The following MAPK8 variants were observed in gnomAD, a reference collection of about 807,000 sequenced individuals.
MAPK8 encodes mitogen-activated protein kinase 8.
Under a neutral mutation model 52.9 loss-of-function variants are expected in MAPK8, and 13 were observed. The observed-to-expected ratio is 0.25, with a 90% CI of 0.16 to 0.39. The LOEUF is 0.39. Among genes scored for constraint, MAPK8 ranks in the 10% least tolerant of loss-of-function variants. MAPK8 has a pLI of 1.00. For synonymous variants in MAPK8, 191 were observed against 169.8 expected, an observed-to-expected ratio of 1.12 and a Z score of -0.97; for missense variants, 300 against 519.2, an observed-to-expected ratio of 0.58 and a Z score of 4.10.
chr10:48,384,246 T>C (rs921120381), intron 1 of MAPK8, among the ~76,000 whole-genome samples: 1 of 151,716 alleles, frequency 6.6e-6, no homozygotes, highest in Non-Finnish European at 1.5e-5. Context: ...AGCGAGACAG[T>C]CTCAAAAAAT....
intron 1 of MAPK8, among the ~76,000 whole-genome samples, chr10:48,400,885 A>C (rs950594233): frequency 1.3e-5 from 2 of 152,254 alleles, no homozygotes; most frequent in Admixed American, 1.3e-4. Flanking sequence ...CAAGTAGTAA[A>C]GGAATGGTAG....
intron 6 of MAPK8, among the ~76,000 whole-genome samples, chr10:48,423,221 C>T (rs1279608325): frequency 6.6e-6 from 1 of 152,150 alleles, no homozygotes; most frequent in Non-Finnish European, 1.5e-5. Flanking sequence ...TTCTTGTCAA[C>T]ATTGATTGGG....
chr10:48,353,627 C>T (rs1441599650), intron 1 of MAPK8, among the ~76,000 whole-genome samples: 1 of 151,976 alleles, frequency 6.6e-6, no homozygotes, highest in East Asian at 1.9e-4. Flanking sequence ...AAACTTAAAA[C>T]ATGGAAAAAA....
At chr10:48,317,297 C>T (rs1190334175) in intron 1 of MAPK8, among the ~76,000 whole-genome samples, 1 of 152,174 alleles carries the variant, frequency 6.6e-6, no homozygotes, top group African/African-American at 2.4e-5. Context: ...GTCTCAGCCT[C>T]CAGCCTCCCG....
chr10:48,349,465 C>T (rs908945001), intron 1 of MAPK8, among the ~76,000 whole-genome samples: 2 of 152,176 alleles, frequency 1.3e-5, no homozygotes, highest in Non-Finnish European at 2.9e-5. Context: ...GATTAAGAAA[C>T]TCGCTCAAAA....
At chr10:48,396,651 T>A (rs1294677264) in intron 1 of MAPK8, among the ~76,000 whole-genome samples, 1 of 152,190 alleles carries the variant, frequency 6.6e-6, no homozygotes, top group Non-Finnish European at 1.5e-5. Flanking sequence ...AGAACAGCTT[T>A]GTCATAGCCA....
chr10:48,323,894 G>GT (rs1843223596), intron 1 of MAPK8, among the ~76,000 whole-genome samples: 2 of 152,110 alleles, frequency 1.3e-5, no homozygotes, highest in Admixed American at 6.5e-5. Flanking sequence ...TAGGAACCTG[G>GT]TTTAAGTTCA....
At chr10:48,324,506 T>TTTTTTTTTTTGG (rs1392625617) in intron 1 of MAPK8, among the ~76,000 whole-genome samples, 2 of 148,522 alleles carry the variant, frequency 1.3e-5, no homozygotes, top group Non-Finnish European at 1.5e-5. Context: ...TTTTCTAGTT[T>TTTTTTTTTTTGG]TTTTTTTTTT....
intron 2 of MAPK8, 90 bp from the exon 3 acceptor site, chr10:48,404,762 A>G (rs2042370532): frequency 1.0e-6 from 1 of 966,690 alleles, no homozygotes; most frequent in African/African-American, 1.6e-5. Flanking sequence ...TCTTTGGAGA[A>G]AGTGAGAAAT....
In MAPK8 at chr10:48,426,370, A is replaced by G; in HGVS notation, c.872-10A>G. The stretch of plus-strand genomic sequence containing the variant: ...CAAATATATGTACATTAACACCATT[A>G]TGTTTGCAGCCAGTCAGGCAAGGGA... On this transcript the variant is annotated splice_polypyrimidine_tract_variant and intron_variant, in intron 8 of 11. Coordinates refer to ENST00000374189, the MANE Select transcript of MAPK8 (RefSeq NM_001323329.2). The G allele has an allele frequency of 6.2e-7, 1 of 1,600,484 alleles. No homozygotes were observed. The highest frequency in any genetic ancestry group is 8.5e-7 in the Non-Finnish European group (1 of 1,175,562).
At chr10:48,324,503 G>GTTTTTTTTTTTTTTTTTTTTTTTTTT (rs370766776) in intron 1 of MAPK8, among the ~76,000 whole-genome samples, 15 of 118,006 alleles carry the variant, frequency 1.3e-4, no homozygotes, top group Non-Finnish European at 1.7e-4. Flanking sequence ...CTGTTTTCTA[G>GTTTTTTTTTTTTTTTTTTTTTTTTTT]TTTTTTTTTT....
intron 3 of MAPK8, among the ~76,000 whole-genome samples, chr10:48,409,287 C>T (rs1175700130): frequency 6.6e-6 from 1 of 152,180 alleles, no homozygotes; most frequent in Non-Finnish European, 1.5e-5. Flanking sequence ...AGTTAAAAAT[C>T]ACCCTGAGCC....
At chr10:48,421,764 A>G (rs1014219832) in intron 6 of MAPK8, among the ~76,000 whole-genome samples, 3 of 152,158 alleles carry the variant, frequency 2.0e-5, no homozygotes, top group Non-Finnish European at 4.4e-5. Flanking sequence ...AGATTGCACC[A>G]CTGCATTCCA....
intron 1 of MAPK8, among the ~76,000 whole-genome samples, chr10:48,345,685 CAG>C (rs1293792853): frequency 2.0e-5 from 3 of 152,066 alleles, no homozygotes; most frequent in African/African-American, 7.2e-5. Context: ...CATAAGAAAA[CAG>C]AAAAATGGAG....
At chr10:48,351,611 A>G (rs1028074084) in intron 1 of MAPK8, among the ~76,000 whole-genome samples, 15 of 152,178 alleles carry the variant, frequency 9.9e-5, no homozygotes, top group Non-Finnish European at 2.2e-4. Context: ...AGCATAGCAA[A>G]TAAATAGGTA....
At chr10:48,363,327 T>A (rs1331293376) in intron 1 of MAPK8, among the ~76,000 whole-genome samples, 2 of 152,244 alleles carry the variant, frequency 1.3e-5, no homozygotes, top group African/African-American at 2.4e-5. Context: ...AATTCATTTA[T>A]CTATTCCTAT....
intron 5 of MAPK8, among the ~76,000 whole-genome samples, chr10:48,416,366 T>G (rs1376000944): frequency 6.6e-6 from 1 of 152,244 alleles, no homozygotes; most frequent in African/African-American, 2.4e-5. Context: ...ATAGACTTGC[T>G]TAATTTGTAA....
At chr10:48,413,813 T>C (rs553366586) in intron 5 of MAPK8, among the ~76,000 whole-genome samples, 1 of 48,298 alleles carries the variant, frequency 2.1e-5, no homozygotes, top group East Asian at 9.3e-4. Context: ...TTGCCAGAAT[T>C]GTTATATATA....
Position 48,435,103 on chromosome 10 carries a change from C to A in MAPK8, c.*74C>A. On this transcript the variant is annotated 3_prime_UTR_variant, in exon 12 of 12. Transcript: ENST00000374189. ...TGATAGAACTACTTTGAAAACAATT[C>A]AGTGGTCTTATTTTTGGGTGATTTT... 1.8e-6 allele frequency: 2 copies of A among 1,129,278 alleles called. No homozygotes were observed. Among genetic ancestry groups the A allele is most frequent in the Non-Finnish European group, 2.4e-6 (2 of 839,622 alleles). 70.0% of individuals were successfully genotyped at this position (1,129,278 alleles called of 1,614,324 possible).
Sources: gnomAD v4.1 joint callset for allele counts (sites outside exome capture counted in the v4.1 genomes callset) on GRCh38, gnomAD v4.1.1 for gene constraint, MANE v1.5 for transcripts, NCBI Gene and HGNC (gene_info 2026-07-23, HGNC 2026-07-21) for gene names.